EP400: variants seen among roughly 807,000 people sequenced by gnomAD.
EP400 encodes E1A binding protein p400, also known as E1A-binding protein p400.
A neutral mutation model predicts 354.1 loss-of-function variants in EP400; 105 were observed. The ratio of observed to expected loss-of-function variants is 0.30; its 90% CI spans 0.25 to 0.35. The LOEUF (loss-of-function observed/expected upper bound fraction) is 0.35, where lower values mean the gene tolerates loss of function less well. Ranked by LOEUF, EP400 falls within the 10% of genes least tolerant of loss-of-function variation. The pLI is 1.00. For missense variants in EP400, 3,280 were observed against 4,121.0 expected, an observed-to-expected ratio of 0.80 and a Z score of 5.59; for synonymous variants, 1,646 against 1,716.9, an observed-to-expected ratio of 0.96 and a Z score of 1.02.
intron 27 of EP400, 105 bp downstream of exon 27, chr12:132,028,393 C>T: frequency 3.6e-6 from 5 of 1,374,314 alleles, no homozygotes; most frequent in Non-Finnish European, 4.1e-6. Flanking sequence ...TCGGCTTCTC[C>T]CCACGCTGTC....
Position 132,027,883 on chromosome 12 carries a change from C to T in EP400, c.5110-134C>T. ...CTCGGCTTCATTTCTATCTCTATTT[C>T]CTGTAACACAAGACCGGGGATATTG... On this transcript the variant is annotated intron_variant, in intron 26 of 52. Coordinates refer to ENST00000389561, the MANE Select transcript of EP400 (RefSeq NM_015409.5). This position sits in a 1 kb window ranked among gnomAD's most constrained non-coding sequence, Gnocchi z 4.9. The T allele has an allele frequency of 1.1e-6, 1 of 951,288 alleles. No individual in the cohort carries two copies. The highest frequency in any genetic ancestry group is 1.6e-6 in the Non-Finnish European group (1 of 645,156). 58.9% of individuals were successfully genotyped at this position (951,288 alleles called of 1,614,324 possible). A position where few individuals can be genotyped will look rare whatever the true frequency, so the allele number is the denominator to read the frequency against.
intron 11 of EP400, among the ~76,000 whole-genome samples, chr12:131,993,556 C>G (rs771934184): frequency 2.0e-4 from 30 of 152,216 alleles, no homozygotes; most frequent in Admixed American, 3.9e-4. Context: ...CTCACATTCT[C>G]AGGAGCACAT....
Position 132,044,218 on chromosome 12 carries a change from C to T in EP400, c.6492C>T (p.Asn2164=). 1 of 1,614,210 alleles carries T rather than the reference C, an allele frequency of 6.2e-7. No homozygotes were observed. The highest frequency in any genetic ancestry group is 8.5e-7 in the Non-Finnish European group (1 of 1,180,044). ...CAGTGAGGGCATGGGAGTTCTGGAACCTGAAGACCCTGCAGGAGAGGGAGG... is the reference window on the plus strand; with the variant it reads ...CAGTGAGGGCATGGGAGTTCTGGAATCTGAAGACCCTGCAGGAGAGGGAGG... ...MTAVRAWEFW[N]LKTLQEREAR... The change falls in exon 35 of 53, where the codon AAC becomes AAT. Residue 2164 remains asparagine (N), a synonymous_variant. Coordinates refer to ENST00000389561, the MANE Select transcript of EP400 (RefSeq NM_015409.5).
At chr12:132,030,199 C>A in intron 29 of EP400, 41 bp downstream of exon 29, 2 of 1,607,966 alleles carry the variant, frequency 1.2e-6, no homozygotes, top group South Asian at 2.2e-5. Flanking sequence ...ATGGGTCAGT[C>A]ACTGGTGTTG....
At chr12:131,987,542 T>G (rs1411276366) in intron 6 of EP400, among the ~76,000 whole-genome samples, 163 bp from the exon 7 acceptor site, 1 of 152,184 alleles carries the variant, frequency 6.6e-6, no homozygotes, top group African/African-American at 2.4e-5. Flanking sequence ...GACCTTTGTG[T>G]TCGAATCTTA....
chr12:132,035,425 A>G (rs549594273), intron 30 of EP400, among the ~76,000 whole-genome samples: 6 of 152,376 alleles, frequency 3.9e-5, no homozygotes, highest in Admixed American at 2.0e-4. Context: ...TACACTGCTT[A>G]GGGAGGACAG....
Position 132,030,050 on chromosome 12 carries a change from G to C in EP400, c.5646G>C (p.Leu1882=). 6.2e-7 allele frequency: 1 copy of C among 1,614,256 alleles called. No homozygotes were observed. Among genetic ancestry groups the C allele is most frequent in the African/African-American group, 1.3e-5 (1 of 75,072 alleles). The stretch of plus-strand genomic sequence containing the variant: ...TGAAATCTGAAGGACGTCGGGTGCT[G>C]ATTTTATCACAGATGATTCTTATGT... ...QKLKSEGRRV[L]ILSQMILMLD... The change falls in exon 29 of 53, where the codon CTG becomes CTC. Residue 1882 remains leucine (L), a synonymous_variant. Transcript: ENST00000389561.
intron 12 of EP400, among the ~76,000 whole-genome samples, chr12:132,004,768 G>A (rs1258915296): frequency 6.6e-6 from 1 of 152,146 alleles, no homozygotes; most frequent in Admixed American, 6.6e-5. Context: ...TGGGTCTCTG[G>A]TATGTCATGA....
At chr12:132,040,906 A>G (rs1053309522) in intron 32 of EP400, among the ~76,000 whole-genome samples, 4 of 152,178 alleles carry the variant, frequency 2.6e-5, no homozygotes, top group African/African-American at 9.7e-5. Context: ...ACTCAGTTGT[A>G]GCAAGGCAAG....
intron 39 of EP400, among the ~76,000 whole-genome samples, chr12:132,047,349 T>C (rs1439355083): frequency 2.6e-5 from 4 of 152,188 alleles, no homozygotes; most frequent in Non-Finnish European, 4.4e-5. Flanking sequence ...AGCTAAAATA[T>C]TGTATTGGGG....
intron 5 of EP400, 23 bp from the exon 6 acceptor site, chr12:131,986,491 C>A (rs769800644): frequency 1.9e-6 from 3 of 1,565,936 alleles, no homozygotes; most frequent in Non-Finnish European, 1.7e-6. Flanking sequence ...TCACCTTGCT[C>A]CACTTGTGCC....
chr12:132,035,255 G>A (rs1409858945), intron 30 of EP400, among the ~76,000 whole-genome samples: 1 of 152,162 alleles, frequency 6.6e-6, no homozygotes, highest in Non-Finnish European at 1.5e-5. Flanking sequence ...CCTGGCACTA[G>A]AAAAGGGGAC....
In EP400 at chr12:132,013,907, A is replaced by C; in HGVS notation, c.3917A>C (p.Gln1306Pro). The C allele has an allele frequency of 6.2e-7, 1 of 1,614,196 alleles. No individual in the cohort carries two copies. Among genetic ancestry groups the C allele is most frequent in the Non-Finnish European group, 8.5e-7 (1 of 1,180,018 alleles). ...GCCTTATACGAGGACGTTATCCTGC[A>C]ACCTGGGTGAGTGTGGGCTCTGGGC... ...QKALYEDVIL[Q>P]PGTQEALKSG... The change falls in exon 19 of 53, where the codon CAA (glutamine) becomes CCA (proline). Residue 1306 changes from glutamine to proline, a missense_variant. Transcript: ENST00000389561. This position sits in a 1 kb window ranked among gnomAD's most constrained non-coding sequence, Gnocchi z 4.5.
intron 12 of EP400, among the ~76,000 whole-genome samples, chr12:132,000,882 T>A (rs118059590): frequency 6.6e-6 from 1 of 152,262 alleles, no homozygotes; most frequent in South Asian, 2.1e-4. Context: ...ATTCAGACTT[T>A]CAGTCATCTC....
intron 2 of EP400, among the ~76,000 whole-genome samples, chr12:131,963,921 C>G (rs1232686103): frequency 6.6e-6 from 1 of 152,114 alleles, no homozygotes; most frequent in African/African-American, 2.4e-5. Flanking sequence ...AATGTATGCT[C>G]AGGATTCCTT....
intron 39 of EP400, among the ~76,000 whole-genome samples, chr12:132,049,811 T>C (rs1895234344): frequency 6.6e-6 from 1 of 152,218 alleles, no homozygotes; most frequent in South Asian, 2.1e-4. Context: ...GCCCATTGTT[T>C]AGCTGTGCCA....
In EP400 at chr12:131,994,151, G is replaced by A. The variant is rs1171388339; in HGVS notation, c.2738-716G>A. ...CAGCGACTTGTGTGGTTGGGGTCAG[G>A]TGCCTAGGCCTTCTTGGTGGGCAGT... On this transcript the variant is annotated intron_variant, in intron 11 of 52. Coordinates refer to ENST00000389561, the MANE Select transcript of EP400 (RefSeq NM_015409.5). The surrounding 1 kb of genome is among the most constrained non-coding windows in gnomAD (Gnocchi z 4.6). 6.6e-6 allele frequency among the ~76,000 whole-genome samples: 1 copy of A among 152,074 alleles called. No individual in the cohort carries two copies. Among genetic ancestry groups the A allele is most frequent in the Non-Finnish European group, 1.5e-5 (1 of 68,010 alleles).
At position 132,046,814 on chromosome 12, in the gene EP400, T is replaced by C. The variant is rs1333485663; in HGVS notation, c.7200+914T>C. Among the ~76,000 whole-genome samples, 3 of 152,252 alleles carry C rather than the reference T, an allele frequency of 2.0e-5. No homozygotes were observed. In the South Asian group the frequency reaches 6.2e-4, roughly 31 times the overall value. On this transcript the variant is annotated intron_variant, in intron 39 of 52. Coordinates refer to ENST00000389561, the MANE Select transcript of EP400 (RefSeq NM_015409.5). ...CCCCACACCAGCAGCGTCTGCATGC[T>C]CTACTGTGCCCACGTTGCCAGTGTC...
chr12:131,984,625 G>A (rs974950278), intron 5 of EP400, among the ~76,000 whole-genome samples: 1 of 152,066 alleles, frequency 6.6e-6, no homozygotes, highest in South Asian at 2.1e-4. Context: ...AAGCAGCTCC[G>A]TGGTTTTTCT....
Sources: gnomAD v4.1 joint callset for allele counts (sites outside exome capture counted in the v4.1 genomes callset) on GRCh38, gnomAD v4.1.1 for gene constraint, Gnocchi (gnomAD v3.1) non-coding constraint, MANE v1.5 for transcripts, NCBI Gene and HGNC (gene_info 2026-07-23, HGNC 2026-07-21) for gene names.